The following NTF3 variants were observed in gnomAD, a reference collection of about 807,000 sequenced individuals.
NTF3 encodes neurotrophin 3.
NTF3 carries 8 observed loss-of-function variants against 26.3 expected under a neutral mutation model. That is an observed-to-expected ratio of 0.30 (90% confidence interval 0.18 to 0.55). The LOEUF (loss-of-function observed/expected upper bound fraction) is 0.55. Among genes scored for constraint, NTF3 ranks in the 20% least tolerant of loss-of-function variants. The pLI is 0.93. For missense variants in NTF3, 276 were observed against 352.9 expected (o/e 0.78, Z 1.75); for synonymous variants, 154 against 145.5 (o/e 1.06, Z -0.42).
chr12:5,489,849 C>T (rs1565397655), intron 1 of NTF3, among the ~76,000 whole-genome samples: 1 of 152,186 alleles, frequency 6.6e-6, no homozygotes, highest in Non-Finnish European at 1.5e-5. Flanking sequence ...TGAATACCCC[C>T]AAACCCTCTG....
chr12:5,494,431 G>C lies in NTF3; in HGVS notation c.256G>C (p.Glu86Gln). ...LPKAEAPREP[E>Q]RGGPAKSAFQ... ...CAAAGCTGAGGCTCCCCGAGAGCCG[G>C]AGCGGGGAGGGCCCGCCAAGTCAGC... The change falls in exon 2 of 2, where the codon GAG (glutamate) becomes CAG (glutamine). Residue 86 changes from glutamate (E) to glutamine (Q), a missense_variant. Coordinates refer to ENST00000423158, the MANE Select transcript of NTF3 (RefSeq NM_001102654.2). This position sits in a 1 kb window ranked among gnomAD's most constrained non-coding sequence, Gnocchi z 8.3. The C allele has an allele frequency of 2.5e-6, 4 of 1,612,198 alleles. No individual in the cohort carries two copies. Among genetic ancestry groups the C allele is most frequent in the Non-Finnish European group, 3.4e-6 (4 of 1,179,986 alleles).
At chr12:5,447,712 G>A (rs978922921) in intron 1 of NTF3, among the ~76,000 whole-genome samples, 26 of 152,286 alleles carry the variant, frequency 1.7e-4, no homozygotes, top group East Asian at 3.9e-4. Flanking sequence ...ATTCCTAAGC[G>A]AATAGCACAT....
chr12:5,492,379 C>T lies in NTF3; in HGVS notation c.19-1815C>T, dbSNP rs146572752. 5.4e-3 allele frequency among the ~76,000 whole-genome samples: 826 copies of T among 152,262 alleles called. 11 individuals carry two copies. The highest frequency in any genetic ancestry group is 0.019 in the African/African-American group (788 of 41,542). On this transcript the variant is annotated intron_variant, in intron 1 of 1. Transcript: ENST00000423158. ...ATTGTTTTTCAATAGACTCTCAGTC[C>T]TAAATGATTTTATTGCAGCTGTATT...
intron 1 of NTF3, among the ~76,000 whole-genome samples, chr12:5,448,322 G>A (rs1940331786): frequency 6.6e-6 from 1 of 152,052 alleles, no homozygotes; most frequent in African/African-American, 2.4e-5. Context: ...CTTTAGGCTT[G>A]GGCTTTTCTA....
intron 1 of NTF3, among the ~76,000 whole-genome samples, chr12:5,480,657 G>C (rs1249631914): frequency 6.6e-6 from 1 of 152,114 alleles, no homozygotes; most frequent in Non-Finnish European, 1.5e-5. Flanking sequence ...AGAAGGGGTT[G>C]GTGGGGCCAC....
intron 1 of NTF3, among the ~76,000 whole-genome samples, chr12:5,481,689 C>CA (rs1591605615): frequency 7.9e-6 from 1 of 126,026 alleles, no homozygotes; most frequent in African/African-American, 3.0e-5. Context: ...TAGACATACA[C>CA]CACACAAGCA....
In NTF3 at chr12:5,433,973, C is replaced by T. The variant is rs1343268052; in HGVS notation, c.18+1631C>T. ...TTTTTAAATAAAGAGGTGCCCGCTC[C>T]TACCCCGCAAAACAGCGAACGAGGA... On this transcript the variant is annotated intron_variant, in intron 1 of 1. Transcript: ENST00000423158. The surrounding 1 kb of genome is among the most constrained non-coding windows in gnomAD (Gnocchi z 4.6). Among the ~76,000 whole-genome samples the T allele has an allele frequency of 6.6e-6, 1 of 152,282 alleles. No homozygotes were observed. The highest frequency in any genetic ancestry group is 1.5e-5 in the Non-Finnish European group (1 of 68,030).
intron 1 of NTF3, among the ~76,000 whole-genome samples, chr12:5,465,653 C>T (rs916507804): frequency 1.3e-5 from 2 of 152,252 alleles, no homozygotes; most frequent in African/African-American, 4.8e-5. Flanking sequence ...AATCATGTGG[C>T]TCGCACTCAG....
At chr12:5,466,982 C>T (rs1379652559) in intron 1 of NTF3, among the ~76,000 whole-genome samples, 1 of 151,998 alleles carries the variant, frequency 6.6e-6, no homozygotes, top group East Asian at 1.9e-4. Flanking sequence ...CCTGTAATTC[C>T]AACACTTGGG....
At chr12:5,436,354 C>G (rs1565382612) in intron 1 of NTF3, among the ~76,000 whole-genome samples, 1 of 152,160 alleles carries the variant, frequency 6.6e-6, no homozygotes, top group Non-Finnish European at 1.5e-5. Context: ...TAGGGCTTGA[C>G]TATTGGTCAG....
At chr12:5,472,887 T>G (rs974958424) in intron 1 of NTF3, among the ~76,000 whole-genome samples, 1 of 152,200 alleles carries the variant, frequency 6.6e-6, no homozygotes, top group Non-Finnish European at 1.5e-5. Context: ...CTGTGTCAAT[T>G]TATCCCTAGA....
chr12:5,434,960 G>A (rs187538467), intron 1 of NTF3, among the ~76,000 whole-genome samples: 1 of 152,108 alleles, frequency 6.6e-6, no homozygotes, highest in Non-Finnish European at 1.5e-5. Flanking sequence ...CCTCTTTATG[G>A]AAAGACAAAG....
intron 1 of NTF3, among the ~76,000 whole-genome samples, chr12:5,475,373 A>T (rs952304952): frequency 6.6e-6 from 1 of 152,158 alleles, no homozygotes; most frequent in African/African-American, 2.4e-5. Flanking sequence ...GACCTGGTGC[A>T]GGTGGGGATG....
At chr12:5,472,378 G>A (rs1007501745) in intron 1 of NTF3, among the ~76,000 whole-genome samples, 4 of 152,162 alleles carry the variant, frequency 2.6e-5, no homozygotes, top group African/African-American at 9.7e-5. Flanking sequence ...TTTACCCTTC[G>A]TGAGATTCAG....
At chr12:5,458,353 A>G (rs183556321) in intron 1 of NTF3, among the ~76,000 whole-genome samples, 1 of 152,092 alleles carries the variant, frequency 6.6e-6, no homozygotes, top group Non-Finnish European at 1.5e-5. Flanking sequence ...TCCCTATCAC[A>G]CACTCCCATT....
chr12:5,482,265 G>C (rs139044287), intron 1 of NTF3, among the ~76,000 whole-genome samples: 159 of 152,320 alleles, frequency 1.0e-3, no homozygotes, highest in African/African-American at 3.6e-3. Context: ...TGTTGGCCAG[G>C]GTGCCAGGCA....
intron 1 of NTF3, among the ~76,000 whole-genome samples, chr12:5,490,772 G>A (rs186881957): frequency 7.7e-4 from 118 of 152,284 alleles, no homozygotes; most frequent in Admixed American, 3.7e-3. Flanking sequence ...CACAACCAGT[G>A]TAACTGGTCT....
intron 1 of NTF3, among the ~76,000 whole-genome samples, chr12:5,450,604 A>T (rs1940360408): frequency 1.3e-5 from 2 of 152,186 alleles, no homozygotes; most frequent in Admixed American, 1.3e-4. Flanking sequence ...TCTCAAAATA[A>T]TGGTCATGAT....
intron 1 of NTF3, among the ~76,000 whole-genome samples, chr12:5,489,768 C>T (rs562625262): frequency 2.0e-5 from 3 of 152,290 alleles, no homozygotes; most frequent in African/African-American, 4.8e-5. Context: ...ACAGGGCAGA[C>T]GCAGGTTGCT....
Sources: gnomAD v4.1 joint callset for allele counts (sites outside exome capture counted in the v4.1 genomes callset) on GRCh38, gnomAD v4.1.1 for gene constraint, Gnocchi (gnomAD v3.1) non-coding constraint, MANE v1.5 for transcripts, NCBI Gene and HGNC (gene_info 2026-07-23, HGNC 2026-07-21) for gene names.